IGFL4: variants seen among roughly 807,000 people sequenced by gnomAD.
IGFL4 encodes insulin growth factor-like family member 4.
In IGFL4, 12 loss-of-function variants were observed where a neutral mutation model predicts 15.4. The ratio of observed to expected loss-of-function variants is 0.78; its 90% confidence interval spans 0.50 to 1.26. The LOEUF is 1.26. Ranked by LOEUF, IGFL4 falls within the 50% of genes most tolerant of loss-of-function variation. IGFL4 has a pLI of 0.00. For synonymous variants in IGFL4, 54 were observed against 55.9 expected, an observed-to-expected ratio of 0.97 and a Z score of 0.16; for missense variants, 126 against 147.8, an observed-to-expected ratio of 0.85 and a Z score of 0.76.
upstream of IGFL4, among the ~76,000 whole-genome samples, chr19:46,045,185 C>G (rs1460249530): frequency 6.6e-6 from 1 of 152,110 alleles, no homozygotes; most frequent in African/African-American, 2.4e-5. Flanking sequence ...TGGCTCACAC[C>G]TTTAATCCCA....
At chr19:46,043,022 G>A (rs77199861), upstream of IGFL4, among the ~76,000 whole-genome samples, 358 of 152,272 alleles carry the variant, frequency 2.4e-3, 3 homozygotes, top group African/African-American at 7.6e-3. Context: ...TGAGGTCGCC[G>A]GGGCAGTAGG....
intron 2 of IGFL4, among the ~76,000 whole-genome samples, chr19:46,054,020 TG>T (rs1452137615): frequency 6.6e-6 from 1 of 152,208 alleles, no homozygotes; most frequent in Non-Finnish European, 1.5e-5. Flanking sequence ...TGGATATTAA[TG>T]CCTAGTCAGA....
At chr19:46,054,979 T>C (rs944544791) in intron 2 of IGFL4, among the ~76,000 whole-genome samples, 6 of 152,178 alleles carry the variant, frequency 3.9e-5, no homozygotes, top group African/African-American at 1.2e-4. Context: ...ATAGGGCCAC[T>C]TGAAGAGAGC....
chr19:46,060,567 G>A (rs542415723), intron 1 of IGFL4, among the ~76,000 whole-genome samples: 11 of 152,292 alleles, frequency 7.2e-5, no homozygotes, highest in Middle Eastern at 6.8e-3. Flanking sequence ...AGAAAGCAAT[G>A]ATCTGTGGAT....
chr19:46,042,709 G>A (rs564238084), upstream of IGFL4, among the ~76,000 whole-genome samples: 85 of 152,230 alleles, frequency 5.6e-4, no homozygotes, highest in Non-Finnish European at 1.1e-3. Context: ...GGGTGACACT[G>A]AAACAAAAGG....
At chr19:46,044,947 C>T (rs1410037836), upstream of IGFL4, among the ~76,000 whole-genome samples, 3 of 152,136 alleles carry the variant, frequency 2.0e-5, no homozygotes, top group Non-Finnish European at 2.9e-5. Flanking sequence ...GCAAAAAAGA[C>T]CCCACAGAAA....
At chr19:46,045,928 C>T (rs1051474532), upstream of IGFL4, among the ~76,000 whole-genome samples, 3 of 152,140 alleles carry the variant, frequency 2.0e-5, no homozygotes, top group Non-Finnish European at 4.4e-5. Flanking sequence ...CAGTGAGATA[C>T]TCCATAAGAA....
intron 2 of IGFL4, chr19:46,059,431 A>C (rs900618464): frequency 6.6e-6 from 1 of 152,134 alleles, no homozygotes; most frequent in Non-Finnish European, 1.5e-5. Context: ...GGTAGAGAGG[A>C]GCTCAGAAAG....
At chr19:46,054,307 T>C (rs1451292740) in intron 2 of IGFL4, among the ~76,000 whole-genome samples, 1 of 152,192 alleles carries the variant, frequency 6.6e-6, no homozygotes, top group Non-Finnish European at 1.5e-5. Context: ...GGAGTCTAGT[T>C]TCATTGTTCT....
chr19:46,062,357 A>T (rs551521605), intron 1 of IGFL4, among the ~76,000 whole-genome samples: 2 of 152,332 alleles, frequency 1.3e-5, no homozygotes, highest in Admixed American at 1.3e-4. Flanking sequence ...CCAGGATTGA[A>T]CCCAGGACAC....
In IGFL4 at chr19:46,039,900, G is replaced by T. The variant is rs1440068017; in HGVS notation, c.367C>A (p.Leu123Ile). The T allele has an allele frequency of 6.2e-7, 1 of 1,612,334 alleles. No homozygotes were observed. Among genetic ancestry groups the T allele is most frequent in the Admixed American group, 1.7e-5 (1 of 60,020 alleles). The stretch of plus-strand genomic sequence containing the variant: ...TGCTACCCCAGAACAGTCTAGATGA[G>T]GTCAGATCTTGACACAGGGCTTTTT... ...HPKSPVSRSD[L>I]I The change falls in exon 4 of 4, where the codon CTC (leucine) becomes ATC (isoleucine). Residue 123 changes from leucine to isoleucine, a missense_variant. Physicochemically the swap from Leu to Ile is conservative, Grantham distance 5. Transcript: ENST00000377697.
chr19:46,046,096 T>C (rs1568711031), intron 2 of IGFL4, among the ~76,000 whole-genome samples: 1 of 152,050 alleles, frequency 6.6e-6, no homozygotes, highest in Non-Finnish European at 1.5e-5. Flanking sequence ...CCAGAAGAGA[T>C]TGGGGGCCAA....
upstream of IGFL4, among the ~76,000 whole-genome samples, chr19:46,041,919 AC>A (rs2146509118): frequency 6.7e-6 from 1 of 148,738 alleles, no homozygotes; most frequent in Admixed American, 6.8e-5. Flanking sequence ...GCTCACTGTA[AC>A]CTTTGCCCCC....
intron 2 of IGFL4, among the ~76,000 whole-genome samples, chr19:46,056,059 G>A (rs1006907174): frequency 2.0e-5 from 3 of 152,194 alleles, no homozygotes; most frequent in African/African-American, 7.2e-5. Context: ...TTACAGGCGT[G>A]AGCCACCATA....
intron 2 of IGFL4, among the ~76,000 whole-genome samples, chr19:46,049,693 C>G (rs1025512355): frequency 6.6e-6 from 1 of 152,140 alleles, no homozygotes; most frequent in Non-Finnish European, 1.5e-5. Flanking sequence ...GCCCTGGGAG[C>G]AGAAGACAAA....
intron 1 of IGFL4, among the ~76,000 whole-genome samples, chr19:46,073,845 A>G (rs777974018): frequency 5.9e-5 from 9 of 152,256 alleles, no homozygotes; most frequent in Non-Finnish European, 1.3e-4. Context: ...GAATGGTCAG[A>G]ATGACTGAAA....
At chr19:46,051,284 C>G (rs1009703637) in intron 2 of IGFL4, among the ~76,000 whole-genome samples, 5 of 152,190 alleles carry the variant, frequency 3.3e-5, no homozygotes, top group African/African-American at 1.2e-4. Context: ...GCGGCTCACA[C>G]CTGTAATCCC....
Position 46,039,936 on chromosome 19 carries a change from C to T in IGFL4, c.331G>A (p.Glu111Lys). Residue 111 changes from glutamate to lysine, a missense_variant and splice_region_variant, in exon 4 of 4, where the codon GAA (glutamate) becomes AAA (lysine). Physicochemically the swap from Glu to Lys is moderately conservative, Grantham distance 56. Coordinates refer to ENST00000377697, the MANE Select transcript of IGFL4 (RefSeq NM_001002923.3). ...GACACAGGGCTTTTTGGGTGGTATT[C>T]CTGCAGAAGGAGAGAAGTGGGAGAG... Reference protein sequence around the residue: ...SSPITRICAQEYHPKSPVSRS... With the variant: ...SSPITRICAQKYHPKSPVSRS... 1.2e-6 allele frequency: 2 copies of T among 1,612,948 alleles called. No individual in the cohort carries two copies. Among genetic ancestry groups the T allele is most frequent in the Non-Finnish European group, 1.7e-6 (2 of 1,179,066 alleles).
intron 1 of IGFL4, among the ~76,000 whole-genome samples, chr19:46,068,136 T>C (rs184871295): frequency 1.3e-5 from 2 of 152,320 alleles, no homozygotes; most frequent in Non-Finnish European, 2.9e-5. Flanking sequence ...CCTGCTCTGT[T>C]CTCCATCTCT....
Sources: gnomAD v4.1 joint callset for allele counts (sites outside exome capture counted in the v4.1 genomes callset) on GRCh38, gnomAD v4.1.1 for gene constraint, MANE v1.5 for transcripts, NCBI Gene and HGNC (gene_info 2026-07-23, HGNC 2026-07-21) for gene names.